The following RIF1 variants were observed in gnomAD, a reference collection of about 807,000 sequenced individuals.
RIF1 encodes the protein replication timing regulatory factor 1.
Under a neutral mutation model 247.1 loss-of-function variants are expected in RIF1, and 45 were observed. That is an observed-to-expected ratio of 0.18 (90% CI 0.14 to 0.23). The LOEUF (loss-of-function observed/expected upper bound fraction) is 0.23, where lower values mean the gene tolerates loss of function less well. Ranked by LOEUF, RIF1 falls within the 10% of genes least tolerant of loss-of-function variation. The pLI is 1.00. For missense variants in RIF1, 2,967 were observed against 2,862.5 expected (o/e 1.04, Z -0.83); for synonymous variants, 1,087 against 978.8 (o/e 1.11, Z -2.06).
intron 23 of RIF1, among the ~76,000 whole-genome samples, chr2:151,457,087 G>GTTT (rs545229546): frequency 7.0e-6 from 1 of 143,836 alleles, no homozygotes; most frequent in Non-Finnish European, 1.5e-5. Flanking sequence ...CATTTATAGG[G>GTTT]TTTTTTTTTT....
chr2:151,446,257 C>A (rs1016157417), intron 19 of RIF1, among the ~76,000 whole-genome samples, 169 bp from the exon 20 acceptor site: 32 of 152,148 alleles, frequency 2.1e-4, no homozygotes, highest in African/African-American at 7.5e-4. Flanking sequence ...CCTCGGCCTC[C>A]CAGAGTGCTG....
chr2:151,415,903 A>C lies in RIF1; in HGVS notation c.281-658A>C, dbSNP rs571128222. Among the ~76,000 whole-genome samples, 232 of 152,282 alleles carry C rather than the reference A, an allele frequency of 1.5e-3. 2 individuals are homozygous for C. Among genetic ancestry groups the C allele is most frequent in the Middle Eastern group, 0.01 (3 of 294 alleles). On this transcript the variant is annotated intron_variant, in intron 4 of 35. Coordinates refer to ENST00000444746, the MANE Select transcript of RIF1 (RefSeq NM_018151.5). Reference sequence around the variant, plus strand: ...AAAAATCAAATGAAAAGGGTATTTAAACATGATTGCTGTAAAAAGGGAAAC... The same window carrying C: ...AAAAATCAAATGAAAAGGGTATTTACACATGATTGCTGTAAAAAGGGAAAC...
Position 151,464,912 on chromosome 2 carries a change from T to G in RIF1, c.5392T>G (p.Leu1798Val), listed in dbSNP as rs1696679614. The G allele has an allele frequency of 6.3e-7, 1 of 1,578,468 alleles. No individual in the cohort carries two copies. The highest frequency in any genetic ancestry group is 8.6e-7 in the Non-Finnish European group (1 of 1,168,540). Residue 1798 changes from leucine to valine, a missense_variant, in exon 30 of 36, where the codon TTG (leucine) becomes GTG (valine). By Grantham distance (32) the Leu-to-Val change is conservative (BLOSUM62 1). Coordinates refer to ENST00000444746, the MANE Select transcript of RIF1 (RefSeq NM_018151.5). ...TGAACATCATAGTGTGAATTTTCAT[T>G]TGGGTCTCAAAGAGGATAATGATAC... ...LDEHHSVNFHLGLKEDNDTIN... is the reference protein window; with the variant it reads ...LDEHHSVNFHVGLKEDNDTIN...
intron 9 of RIF1, chr2:151,493,978 C>T (rs776240504): frequency 2.4e-4 from 220 of 902,364 alleles, no homozygotes; most frequent in Non-Finnish European, 3.6e-4. Flanking sequence ...TTAGTGAGAA[C>T]ACCTCTCAAG....
chr2:151,490,441 C>T lies in RIF1; in HGVS notation c.*416-4788C>T, dbSNP rs935012876. ...TGGTGGTCTGGTGCTTCTGAATGCT[C>T]AGACTTCTCCTCACCCCCACTGATG... On this transcript the variant is annotated intron_variant and NMD_transcript_variant, in intron 9 of 13. Coordinates refer to the RIF1 transcript ENST00000454583. 1.2e-5 allele frequency: 20 copies of T among 1,605,040 alleles called. No individual in the cohort carries two copies. Among genetic ancestry groups the T allele is most frequent in the African/African-American group, 9.4e-5 (7 of 74,736 alleles).
At position 151,457,981 on chromosome 2, in the gene RIF1, CT is replaced by C. The variant is rs1189376058; in HGVS notation, c.2855+20del. ...GAGTTAAAGTATGCTAACAACAAAA[CT>C]TATATACAACTAACTATTCTGTTGT... On this transcript the variant is annotated intron_variant, in intron 24 of 35. Transcript: ENST00000444746. 6.4e-6 allele frequency: 10 copies of C among 1,561,986 alleles called. No homozygotes were observed. Among genetic ancestry groups the C allele is most frequent in the Non-Finnish European group, 8.8e-6 (10 of 1,133,440 alleles).
intron 9 of RIF1, chr2:151,490,648 A>G (rs970576041): frequency 7.2e-6 from 8 of 1,109,960 alleles, no homozygotes; most frequent in South Asian, 1.5e-5. Flanking sequence ...CCATGGGTCA[A>G]ACCCTCACAG....
chr2:151,424,563 G>T (rs978344915), intron 8 of RIF1, among the ~76,000 whole-genome samples: 1 of 152,144 alleles, frequency 6.6e-6, no homozygotes, highest in Non-Finnish European at 1.5e-5. Context: ...GTAAACACCA[G>T]TGTACAAATC....
At chr2:151,513,822 T>C in the RIF1 span, 1 of 673,978 alleles carries the variant, frequency 1.5e-6, no homozygotes, top group Non-Finnish European at 2.6e-6. Flanking sequence ...TTGCTACTCT[T>C]CACCTTCGCT....
chr2:151,482,367 A>T (rs1254888048), downstream of RIF1, among the ~76,000 whole-genome samples: 1 of 151,882 alleles, frequency 6.6e-6, no homozygotes, highest in Non-Finnish European at 1.5e-5. Flanking sequence ...TGATTTATGC[A>T]TAGTTTTATG....
At chr2:151,490,218 A>G (rs1348959751) in intron 9 of RIF1, 2 of 1,169,822 alleles carry the variant, frequency 1.7e-6, no homozygotes, top group East Asian at 2.5e-5. Flanking sequence ...TGAAACATCT[A>G]ACTTCATGCA....
intron 3 of RIF1, among the ~76,000 whole-genome samples, chr2:151,414,274 G>T (rs896362409): frequency 7.1e-6 from 1 of 140,524 alleles, no homozygotes; most frequent in Non-Finnish European, 1.5e-5. Context: ...CAACAAGAGC[G>T]AAACTCTGTC....
intron 9 of RIF1, chr2:151,494,042 G>T: frequency 2.1e-6 from 2 of 957,864 alleles, no homozygotes; most frequent in Non-Finnish European, 3.3e-6. Flanking sequence ...GATATTTAGA[G>T]CAGATGCAAA....
chr2:151,438,179 T>C (rs1040875369), intron 13 of RIF1, among the ~76,000 whole-genome samples: 69 of 152,202 alleles, frequency 4.5e-4, no homozygotes, highest in African/African-American at 1.6e-3. Context: ...TATAGTTGTT[T>C]TAAGGAACAC....
At chr2:151,490,199 C>G (rs117632493) in intron 9 of RIF1, 1 of 1,184,226 alleles carries the variant, frequency 8.4e-7, no homozygotes. Context: ...AAAGAGAAAT[C>G]AAAGAAAATG....
chr2:151,463,566 C>T lies in RIF1; in HGVS notation c.4046C>T (p.Thr1349Ile). ...AATCAGGTTCATCTTTCTGAATCTA[C>T]AATGGAGCATGACAATACAAAGCTT... ...SDNQVHLSESTMEHDNTKLKA... is the reference protein window; with the variant it reads ...SDNQVHLSESIMEHDNTKLKA... Residue 1349 changes from threonine to isoleucine, a missense_variant, in exon 30 of 36, where the codon ACA (threonine) becomes ATA (isoleucine). Coordinates refer to ENST00000444746, the MANE Select transcript of RIF1 (RefSeq NM_018151.5). The T allele has an allele frequency of 6.2e-7, 1 of 1,613,824 alleles. No individual in the cohort carries two copies. Among genetic ancestry groups the T allele is most frequent in the African/African-American group, 1.3e-5 (1 of 75,014 alleles).
At chr2:151,532,556 T>C in the RIF1 span, among the ~76,000 whole-genome samples, 2 of 152,096 alleles carry the variant, frequency 1.3e-5, no homozygotes, top group Non-Finnish European at 2.9e-5. Flanking sequence ...GAGAGCACCA[T>C]AAAATTTCAT....
At chr2:151,483,008 C>T (rs918179810), downstream of RIF1, among the ~76,000 whole-genome samples, 1 of 144,230 alleles carries the variant, frequency 6.9e-6, no homozygotes, top group African/African-American at 2.6e-5. Flanking sequence ...ATAGCAAGGC[C>T]ATTGGATTAG....
intron 10 of RIF1, chr2:151,496,251 GT>G (rs772724327): frequency 5.8e-6 from 9 of 1,551,950 alleles, no homozygotes; most frequent in Admixed American, 1.8e-5. Context: ...TCAGTAAGTA[GT>G]TTTTTTCTTT....
Sources: allele counts gnomAD v4.1 joint callset (sites outside exome capture counted in the v4.1 genomes callset), GRCh38; gene constraint gnomAD v4.1.1; transcripts MANE v1.5; gene names NCBI Gene and HGNC (gene_info 2026-07-23, HGNC 2026-07-21).